DPYD: variants seen among roughly 807,000 people sequenced by gnomAD.
DPYD encodes the protein dihydropyrimidine dehydrogenase [NADP(+)].
In DPYD, 109 loss-of-function variants were observed where a neutral mutation model predicts 116.2. The ratio of observed to expected loss-of-function variants is 0.94; its 90% CI spans 0.80 to 1.10. DPYD has a LOEUF of 1.10. DPYD is among the 50% of genes least tolerant of loss of function. The pLI, the probability that DPYD is intolerant of heterozygous loss-of-function variation, is 0.00. For missense variants in DPYD, 1,302 were observed against 1,254.5 expected (o/e 1.04, Z -0.57); for synonymous variants, 440 against 432.0 (o/e 1.02, Z -0.23).
chr1:97,804,543 T>G (rs1667993234), intron 3 of DPYD, among the ~76,000 whole-genome samples: 1 of 151,862 alleles, frequency 6.6e-6, no homozygotes, highest in Admixed American at 6.6e-5. Context: ...AGTTTATCTA[T>G]CCCTACAGTA....
chr1:97,741,422 C>T (rs1229459989), intron 3 of DPYD, among the ~76,000 whole-genome samples: 1 of 152,124 alleles, frequency 6.6e-6, no homozygotes, highest in African/African-American at 2.4e-5. Context: ...ACAGACTTCA[C>T]AGAGGAGCCC....
At chr1:97,445,725 A>ATT (rs35500519) in intron 14 of DPYD, among the ~76,000 whole-genome samples, 5,255 of 138,270 alleles carry the variant, frequency 0.038, 312 homozygotes, top group African/African-American at 0.12. Flanking sequence ...AAATTGTCTG[A>ATT]TTTTTTTTTT....
intron 18 of DPYD, among the ~76,000 whole-genome samples, chr1:97,301,221 C>T (rs1666841869): frequency 6.6e-6 from 1 of 151,854 alleles, no homozygotes; most frequent in Non-Finnish European, 1.5e-5. Flanking sequence ...TCTTAAAAGC[C>T]ATCTTTTATG....
At chr1:97,406,735 A>AT (rs1673681308) in intron 14 of DPYD, among the ~76,000 whole-genome samples, 1 of 152,114 alleles carries the variant, frequency 6.6e-6, no homozygotes. Context: ...GCTATCATAT[A>AT]TTTTTATGCC....
chr1:97,723,198 T>C (rs1298220816), intron 4 of DPYD, among the ~76,000 whole-genome samples: 1 of 151,652 alleles, frequency 6.6e-6, no homozygotes, highest in African/African-American at 2.4e-5. Flanking sequence ...CCTTCAGCAA[T>C]GAAAGTTATG....
intron 21 of DPYD, among the ~76,000 whole-genome samples, chr1:97,091,833 C>T (rs536981328): frequency 1.3e-5 from 2 of 152,218 alleles, no homozygotes; most frequent in Admixed American, 1.3e-4. Flanking sequence ...TTGTTTCTGC[C>T]CTTGCCCCTC....
At chr1:97,340,387 T>C (rs563668816) in intron 16 of DPYD, among the ~76,000 whole-genome samples, 6 of 152,180 alleles carry the variant, frequency 3.9e-5, no homozygotes, top group African/African-American at 1.4e-4. Context: ...GGAAATGATA[T>C]AAAAACACAA....
Position 97,306,203 on chromosome 1 carries a change from A to C in DPYD, c.2153T>G (p.Val718Gly). The change falls in exon 17 of 23, where the codon GTG becomes GGG. Residue 718 changes from valine (V) to glycine (G), a missense_variant. By Grantham distance (109) the Val-to-Gly change is moderately radical. Transcript: ENST00000370192. ...AKLTPNVTDI[V>G]SIARAAKEGG... ...TTCCTTTGCAGCTCTTGCGATGCTC[A>C]CAATATCAGTGACATTTGGGGTCAG... 1 of 1,612,614 alleles carries C rather than the reference A, an allele frequency of 6.2e-7. No homozygotes were observed. Among genetic ancestry groups the C allele is most frequent in the Non-Finnish European group, 8.5e-7 (1 of 1,178,930 alleles).
chr1:97,121,931 A>G (rs904216842), intron 20 of DPYD, among the ~76,000 whole-genome samples: 1 of 152,158 alleles, frequency 6.6e-6, no homozygotes, highest in Non-Finnish European at 1.5e-5. Context: ...GTCTGCAAGT[A>G]GATTATGATC....
At chr1:97,526,265 G>A (rs1649081558) in intron 12 of DPYD, among the ~76,000 whole-genome samples, 1 of 152,086 alleles carries the variant, frequency 6.6e-6, no homozygotes, top group African/African-American at 2.4e-5. Context: ...AGGAAAGTAA[G>A]AAGATTTTTC....
At chr1:97,242,579 T>C (rs544840189) in intron 18 of DPYD, among the ~76,000 whole-genome samples, 132 of 151,642 alleles carry the variant, frequency 8.7e-4, no homozygotes, top group African/African-American at 3.0e-3. Context: ...CTTTCAAGTT[T>C]ATATATATAT....
chr1:97,728,103 T>A (rs1443916656), intron 4 of DPYD, among the ~76,000 whole-genome samples: 1 of 152,006 alleles, frequency 6.6e-6, no homozygotes, highest in Non-Finnish European at 1.5e-5. Context: ...ATATCTGATT[T>A]TTTTGTGCAT....
intron 20 of DPYD, among the ~76,000 whole-genome samples, chr1:97,156,427 A>C (rs1019834846): frequency 1.3e-5 from 2 of 152,146 alleles, no homozygotes; most frequent in African/African-American, 4.8e-5. Flanking sequence ...CAAGAAAAAA[A>C]CAAACAACCC....
chr1:97,274,218 G>A (rs1322093112), intron 18 of DPYD, among the ~76,000 whole-genome samples: 1 of 152,162 alleles, frequency 6.6e-6, no homozygotes, highest in Admixed American at 6.6e-5. Flanking sequence ...ATCTCAGGTT[G>A]AAATGTAATC....
intron 3 of DPYD, among the ~76,000 whole-genome samples, chr1:97,758,608 A>G (rs1348674702): frequency 6.6e-6 from 1 of 152,206 alleles, no homozygotes; most frequent in African/African-American, 2.4e-5. Flanking sequence ...ATATTTGGCT[A>G]CATTAAGTGA....
chr1:97,105,622 T>C (rs1651081283), intron 20 of DPYD, among the ~76,000 whole-genome samples: 1 of 152,090 alleles, frequency 6.6e-6, no homozygotes, highest in Non-Finnish European at 1.5e-5. Flanking sequence ...AGAAGCAACC[T>C]AGAGAACAGA....
intron 20 of DPYD, among the ~76,000 whole-genome samples, chr1:97,107,262 A>T (rs1353342733): frequency 6.6e-6 from 1 of 152,068 alleles, no homozygotes; most frequent in Non-Finnish European, 1.5e-5. Context: ...TGACTTTTAA[A>T]ATTACATAGG....
chr1:97,784,319 C>T (rs1666906876), intron 3 of DPYD, among the ~76,000 whole-genome samples: 1 of 151,946 alleles, frequency 6.6e-6, no homozygotes, highest in Admixed American at 6.6e-5. Context: ...AATTTCTCAG[C>T]GCTTTATACC....
intron 14 of DPYD, among the ~76,000 whole-genome samples, chr1:97,448,924 C>T (rs1224358405): frequency 6.6e-6 from 1 of 151,888 alleles, no homozygotes; most frequent in African/African-American, 2.4e-5. Flanking sequence ...TATTTTATTT[C>T]AAATGCATGT....
Sources: allele counts gnomAD v4.1 joint callset (sites outside exome capture counted in the v4.1 genomes callset), GRCh38; gene constraint gnomAD v4.1.1; transcripts MANE v1.5; gene names NCBI Gene and HGNC (gene_info 2026-07-23, HGNC 2026-07-21).